CASQ2: variants seen among roughly 807,000 people sequenced by gnomAD.
CASQ2 encodes the protein calsequestrin-2.
A neutral mutation model predicts 46.5 loss-of-function variants in CASQ2; 49 were observed. The ratio of observed to expected loss-of-function variants is 1.05; its 90% CI spans 0.84 to 1.34. CASQ2 has a LOEUF of 1.34. Ranked by LOEUF, CASQ2 falls within the 40% of genes most tolerant of loss-of-function variation. The pLI is 0.00. For synonymous variants in CASQ2, 174 were observed against 168.5 expected (o/e 1.03, Z -0.25); for missense variants, 486 against 481.3 (o/e 1.01, Z -0.09).
At chr1:115,713,493 C>T (rs1448386955) in intron 8 of CASQ2, among the ~76,000 whole-genome samples, 3 of 152,186 alleles carry the variant, frequency 2.0e-5, no homozygotes, top group Non-Finnish European at 4.4e-5. Context: ...TTGCTGCCTT[C>T]CCTCAGCTTC....
chr1:115,716,377 G>C (rs1247289894), intron 8 of CASQ2, among the ~76,000 whole-genome samples: 1 of 152,046 alleles, frequency 6.6e-6, no homozygotes, highest in African/African-American at 2.4e-5. Context: ...ATTTTCCCCA[G>C]GTCTCATTAT....
chr1:115,741,920 A>G (rs1223705436), intron 2 of CASQ2, among the ~76,000 whole-genome samples: 1 of 152,258 alleles, frequency 6.6e-6, no homozygotes, highest in African/African-American at 2.4e-5. Context: ...GTCCAGGGAC[A>G]GGAAAGCTGG....
At chr1:115,702,485 C>A (rs1654236655) in intron 10 of CASQ2, among the ~76,000 whole-genome samples, 1 of 152,174 alleles carries the variant, frequency 6.6e-6, no homozygotes. Context: ...TTTCTTCCTT[C>A]CCTTCTGCAG....
rs56889721 is a variant in CASQ2 at position 115,725,557 on chromosome 1, GAAAAAAAAA to G, written c.738-13_738-5del. On this transcript the variant is annotated splice_region_variant and splice_polypyrimidine_tract_variant and intron_variant, in intron 6 of 10. Transcript: ENST00000261448. ...GCGCAGGCGACGTAGAGTGGGTCTGGAAAAAAAAAAAAAAAAAAAAAAAGAAAGAGCTTC... is the reference window on the plus strand; with the variant it reads ...GCGCAGGCGACGTAGAGTGGGTCTGGAAAAAAAAAAAAAAGAAAGAGCTTC... 170 of 1,402,772 alleles carry G rather than the reference GAAAAAAAAA, an allele frequency of 1.2e-4. 1 individual carries two copies. The highest frequency in any genetic ancestry group is 6.6e-4 in the South Asian group (50 of 76,044). 86.9% of individuals were successfully genotyped at this position (1,402,772 alleles called of 1,614,324 possible).
At chr1:115,709,703 G>A (rs577615109) in intron 8 of CASQ2, among the ~76,000 whole-genome samples, 46 of 152,292 alleles carry the variant, frequency 3.0e-4, no homozygotes, top group African/African-American at 1.0e-3. Flanking sequence ...GACTGAGACC[G>A]TTTGACCTTG....
chr1:115,726,759 G>A (rs1647605661), intron 6 of CASQ2, among the ~76,000 whole-genome samples: 1 of 152,176 alleles, frequency 6.6e-6, no homozygotes, highest in African/African-American at 2.4e-5. Context: ...GCTTTGAGGG[G>A]ATTTGCTGAC....
At chr1:115,705,163 A>G in intron 9 of CASQ2, 29 bp downstream of exon 9, 1 of 1,378,788 alleles carries the variant, frequency 7.3e-7, no homozygotes, top group Non-Finnish European at 1.0e-6. Context: ...ACAGCAACTG[A>G]GGGTGGGGCG....
chr1:115,729,314 A>T (rs1647708695), intron 5 of CASQ2, among the ~76,000 whole-genome samples: 1 of 151,796 alleles, frequency 6.6e-6, no homozygotes, highest in Non-Finnish European at 1.5e-5. Flanking sequence ...CGGCCTCCCA[A>T]AGTGCTGGGA....
At chr1:115,712,616 A>G (rs1026936668) in intron 8 of CASQ2, among the ~76,000 whole-genome samples, 1 of 152,206 alleles carries the variant, frequency 6.6e-6, no homozygotes, top group Non-Finnish European at 1.5e-5. Context: ...AGTGCTTGGA[A>G]TAACATTCAA....
At chr1:115,762,913 C>G (rs1216068856) in intron 1 of CASQ2, among the ~76,000 whole-genome samples, 2 of 152,152 alleles carry the variant, frequency 1.3e-5, no homozygotes, top group African/African-American at 2.4e-5. Context: ...ATAGAGGGCT[C>G]AGGAACTCAC....
chr1:115,707,079 G>A (rs1324182607), intron 8 of CASQ2, among the ~76,000 whole-genome samples: 1 of 151,688 alleles, frequency 6.6e-6, no homozygotes, highest in Non-Finnish European at 1.5e-5. Flanking sequence ...GTGCGTGGTG[G>A]GATCATAGCT....
chr1:115,708,159 T>A (rs1300461359), intron 8 of CASQ2, among the ~76,000 whole-genome samples: 1 of 152,192 alleles, frequency 6.6e-6, no homozygotes, highest in African/African-American at 2.4e-5. Context: ...TGGGTTGTAG[T>A]TTTTTTGTAA....
Position 115,727,123 on chromosome 1 carries a change from CTGTAACCATT to C in CASQ2, c.607-11_607-2del, listed in dbSNP as rs1395036642. 13 of 1,609,514 alleles carry C rather than the reference CTGTAACCATT, an allele frequency of 8.1e-6. No homozygotes were observed. Among genetic ancestry groups the C allele is most frequent in the Non-Finnish European group, 1.1e-5 (13 of 1,175,994 alleles). On this transcript the variant is annotated splice_acceptor_variant and splice_polypyrimidine_tract_variant and intron_variant, in intron 5 of 10. Coordinates refer to ENST00000261448, the MANE Select transcript of CASQ2 (RefSeq NM_001232.4). LOFTEE classifies it high-confidence loss of function. ...TCTTCAAAGATAATTTCTTTGCAACCTGTAACCATTAGAAATAAGACAAAGTTTATTTGAA... is the reference window on the plus strand; with the variant it reads ...TCTTCAAAGATAATTTCTTTGCAACCAGAAATAAGACAAAGTTTATTTGAA...
chr1:115,718,016 G>T, intron 7 of CASQ2, 122 bp from the exon 8 acceptor site: 2 of 760,112 alleles, frequency 2.6e-6, no homozygotes, highest in Non-Finnish European at 4.8e-6. Flanking sequence ...GTGGAAGCGG[G>T]GATGAACACA....
rs1336110482 is a variant in CASQ2 at position 115,705,293 on chromosome 1, C to G, written c.839-1G>C. 1 of 1,605,642 alleles carries G rather than the reference C, an allele frequency of 6.2e-7. No individual in the cohort carries two copies. Among genetic ancestry groups the G allele is most frequent in the Admixed American group, 1.7e-5 (1 of 60,012 alleles). Reference sequence around the variant, plus strand: ...AGGATCTCCAGGAATTCGTAGCCATCTGAAACAGGATTCAAGAGAGTTGAG... The same window carrying G: ...AGGATCTCCAGGAATTCGTAGCCATGTGAAACAGGATTCAAGAGAGTTGAG... On this transcript the variant is annotated splice_acceptor_variant, in intron 8 of 10. Coordinates refer to ENST00000261448, the MANE Select transcript of CASQ2 (RefSeq NM_001232.4). LOFTEE classifies it high-confidence loss of function.
chr1:115,736,024 A>T (rs1411504275), intron 4 of CASQ2, among the ~76,000 whole-genome samples: 1 of 151,842 alleles, frequency 6.6e-6, no homozygotes, highest in East Asian at 1.9e-4. Flanking sequence ...TTAGCCAGGC[A>T]TGGTGGCAGG....
At chr1:115,754,196 T>A (rs977887271) in intron 1 of CASQ2, among the ~76,000 whole-genome samples, 2 of 152,212 alleles carry the variant, frequency 1.3e-5, no homozygotes, top group Non-Finnish European at 2.9e-5. Context: ...GCATGTGATG[T>A]GTTCACGAAG....
At chr1:115,755,549 C>T (rs559656963) in intron 1 of CASQ2, among the ~76,000 whole-genome samples, 18 of 152,274 alleles carry the variant, frequency 1.2e-4, no homozygotes, top group African/African-American at 4.3e-4. Flanking sequence ...TTCCACAGTG[C>T]AATAAGCAGA....
chr1:115,727,235 G>T, intron 5 of CASQ2, 113 bp from the exon 6 acceptor site: 1 of 828,856 alleles, frequency 1.2e-6, no homozygotes. Context: ...AAAAACAGAT[G>T]TACAGTTTTA....
Sources: allele counts gnomAD v4.1 joint callset (sites outside exome capture counted in the v4.1 genomes callset), GRCh38; gene constraint gnomAD v4.1.1; transcripts MANE v1.5; gene names NCBI Gene and HGNC (gene_info 2026-07-23, HGNC 2026-07-21).